The following PDE1C variants were observed in gnomAD, a reference collection of about 807,000 sequenced individuals.
The protein encoded by PDE1C is dual specificity calcium/calmodulin-dependent 3',5'-cyclic nucleotide phosphodiesterase 1C.
Under a neutral mutation model 93.1 loss-of-function variants are expected in PDE1C, and 62 were observed. That is an observed-to-expected ratio of 0.67 (90% CI 0.54 to 0.82). The LOEUF (loss-of-function observed/expected upper bound fraction) is 0.82, where lower values mean the gene tolerates loss of function less well. Ranked by LOEUF, PDE1C falls within the 40% of genes least tolerant of loss-of-function variation. PDE1C has a pLI of 0.00. For missense variants in PDE1C, 742 were observed against 884.6 expected (o/e 0.84, Z 2.04); for synonymous variants, 325 against 310.1 (o/e 1.05, Z -0.50).
rs1411734089 is a variant in PDE1C, at chr7:32,387,668, C to T, written c.310+40154G>A. On this transcript the variant is annotated intron_variant, in intron 1 of 1. Coordinates refer to the PDE1C transcript ENST00000672256. ...CTCCCTCCCGGACGGGGCGGCTGGC[C>T]GGGCGGGGGGCTGACCCCCCCCACC... Among the ~76,000 whole-genome samples the T allele has an allele frequency of 7.6e-5, 11 of 145,618 alleles. No individual in the cohort carries two copies. In the East Asian group the frequency reaches 8.4e-4, roughly 11 times the overall value.
At chr7:31,970,424 G>A (rs1291754995) in intron 2 of PDE1C, among the ~76,000 whole-genome samples, 1 of 152,206 alleles carries the variant, frequency 6.6e-6, no homozygotes, top group Non-Finnish European at 1.5e-5. Flanking sequence ...CAACACACCT[G>A]TGAAATGGCT....
chr7:32,148,747 T>C (rs1801061769), intron 3 of PDE1C, among the ~76,000 whole-genome samples: 1 of 152,178 alleles, frequency 6.6e-6, no homozygotes. Flanking sequence ...TCCCAGGTCA[T>C]TGCTTTGCAC....
intron 1 of PDE1C, among the ~76,000 whole-genome samples, chr7:32,401,549 G>T (rs1050161680): frequency 6.7e-6 from 1 of 150,230 alleles, no homozygotes; most frequent in African/African-American, 2.5e-5. Flanking sequence ...AAAAAAAAAA[G>T]AAAGAAAGAA....
chr7:32,066,153 A>G (rs773904413), intron 1 of PDE1C, among the ~76,000 whole-genome samples: 4 of 152,200 alleles, frequency 2.6e-5, no homozygotes, highest in African/African-American at 4.8e-5. Context: ...AGGGACTCTA[A>G]TGCTTCTGTT....
intron 3 of PDE1C, among the ~76,000 whole-genome samples, chr7:32,123,242 C>T (rs1799395825): frequency 2.0e-5 from 3 of 152,054 alleles, no homozygotes; most frequent in Admixed American, 1.3e-4. Flanking sequence ...CCAAAAAAAG[C>T]CTAGTACCAC....
chr7:32,188,319 A>G (rs1804015698), intron 2 of PDE1C, among the ~76,000 whole-genome samples: 1 of 151,966 alleles, frequency 6.6e-6, no homozygotes, highest in Non-Finnish European at 1.5e-5. Context: ...GCTGCCTTCA[A>G]TTTTTTCTTT....
At chr7:32,269,257 G>A (rs564336723) in intron 1 of PDE1C, among the ~76,000 whole-genome samples, 8 of 152,302 alleles carry the variant, frequency 5.3e-5, no homozygotes, top group African/African-American at 1.4e-4. Flanking sequence ...TGAGCCAGGG[G>A]GGGTGAGATG....
the PDE1C span, among the ~76,000 whole-genome samples, chr7:31,639,221 C>T: frequency 2.6e-5 from 4 of 152,200 alleles, no homozygotes; most frequent in African/African-American, 7.2e-5. Context: ...GTTACCTATA[C>T]CTGAGGCTAC....
At chr7:32,371,523 G>A (rs746892776) in intron 1 of PDE1C, among the ~76,000 whole-genome samples, 3 of 152,150 alleles carry the variant, frequency 2.0e-5, no homozygotes, top group Non-Finnish European at 4.4e-5. Flanking sequence ...CTTACTCAGC[G>A]AGCATTTACT....
chr7:31,761,786 A>G (rs977781787), intron 17 of PDE1C, among the ~76,000 whole-genome samples: 1 of 152,084 alleles, frequency 6.6e-6, no homozygotes, highest in African/African-American at 2.4e-5. Flanking sequence ...CATCTCTCCA[A>G]TCCTCTCATT....
chr7:32,142,055 TG>T (rs1268071241), intron 3 of PDE1C, among the ~76,000 whole-genome samples: 1 of 151,358 alleles, frequency 6.6e-6, no homozygotes, highest in Non-Finnish European at 1.5e-5. Flanking sequence ...CTTCTGCAGT[TG>T]GGTTTTGAGT....
chr7:31,695,809 G>T, the PDE1C span, among the ~76,000 whole-genome samples: 2 of 146,602 alleles, frequency 1.4e-5, no homozygotes. Flanking sequence ...AATATTAGGG[G>T]CTTAATACAA....
rs117597980 is a variant in PDE1C at position 31,758,951 on chromosome 7, T to C, written c.1961-5398A>G. 5.1e-3 allele frequency among the ~76,000 whole-genome samples: 782 copies of C among 152,300 alleles called. 6 individuals carry two copies. Among genetic ancestry groups the C allele is most frequent in the Non-Finnish European group, 7.8e-3 (530 of 68,026 alleles). ...GGAACTCAGCCAAAGTATTACTGAATTTCCCACTTCTCAGCATGAAGAAAC... is the reference window on the plus strand; with the variant it reads ...GGAACTCAGCCAAAGTATTACTGAACTTCCCACTTCTCAGCATGAAGAAAC... On this transcript the variant is annotated intron_variant, in intron 17 of 17. Coordinates refer to ENST00000396191, the MANE Select transcript of PDE1C (RefSeq NM_001191057.4).
the PDE1C span, among the ~76,000 whole-genome samples, chr7:31,626,048 T>G: frequency 6.6e-6 from 1 of 152,204 alleles, no homozygotes; most frequent in Non-Finnish European, 1.5e-5. Context: ...TTAAAAGGAT[T>G]CCAAGTTGAT....
At chr7:31,926,468 C>A (rs1351556154) in intron 2 of PDE1C, among the ~76,000 whole-genome samples, 1 of 152,184 alleles carries the variant, frequency 6.6e-6, no homozygotes, top group Non-Finnish European at 1.5e-5. Flanking sequence ...TAACCTCTAA[C>A]AGATAGAACC....
the PDE1C span, chr7:31,642,909 G>A: frequency 6.2e-7 from 1 of 1,614,016 alleles, no homozygotes; most frequent in Non-Finnish European, 8.5e-7. Context: ...CCATGGAGGG[G>A]CCACCAGAGC....
At position 31,837,869 on chromosome 7, in the gene PDE1C, C is replaced by G. The variant is rs747659692; in HGVS notation, c.1082+1G>C. 2 of 1,603,220 alleles carry G rather than the reference C, an allele frequency of 1.2e-6. No individual in the cohort carries two copies. The highest frequency in any genetic ancestry group is 1.7e-5 in the Admixed American group (1 of 59,974). ...AAAACACAAGCCACAAGCACACTTA[C>G]GCTTCTGGCTGCTGCAGAGCAGTCT... On this transcript the variant is annotated splice_donor_variant, in intron 10 of 17. Coordinates refer to ENST00000396191, the MANE Select transcript of PDE1C (RefSeq NM_001191057.4). LOFTEE classifies it high-confidence loss of function.
At chr7:31,687,857 C>A in the PDE1C span, among the ~76,000 whole-genome samples, 1 of 152,158 alleles carries the variant, frequency 6.6e-6, no homozygotes, top group Non-Finnish European at 1.5e-5. Context: ...CCCTTTTATT[C>A]CATCCAGTAA....
chr7:32,406,348 C>T (rs1018889427), intron 1 of PDE1C, among the ~76,000 whole-genome samples: 2 of 152,130 alleles, frequency 1.3e-5, no homozygotes, highest in African/African-American at 4.8e-5. Flanking sequence ...TCTTCCAATA[C>T]AATTCACTCA....
Sources: allele counts gnomAD v4.1 joint callset (sites outside exome capture counted in the v4.1 genomes callset), GRCh38; gene constraint gnomAD v4.1.1; transcripts MANE v1.5; gene names NCBI Gene and HGNC (gene_info 2026-07-23, HGNC 2026-07-21).